LRRC31: variants seen among roughly 807,000 people sequenced by gnomAD.
LRRC31 encodes leucine rich repeat containing 31.
In LRRC31, 35 loss-of-function variants were observed where a neutral mutation model predicts 46.7. The ratio of observed to expected loss-of-function variants is 0.75; its 90% CI spans 0.57 to 0.99. LRRC31 has a LOEUF of 0.99. Ranked by LOEUF, LRRC31 falls within the 50% of genes least tolerant of loss-of-function variation. The probability of loss-of-function intolerance (pLI) is 0.00; values close to 1 mark genes in which losing one functional copy is unlikely to be tolerated. For missense variants in LRRC31, 613 were observed against 626.1 expected, an observed-to-expected ratio of 0.98 and a Z score of 0.22; for synonymous variants, 236 against 235.1, an observed-to-expected ratio of 1.00 and a Z score of -0.03.
intron 1 of LRRC31, among the ~76,000 whole-genome samples, chr3:169,865,511 G>T (rs1293182229): frequency 1.3e-5 from 2 of 152,134 alleles, no homozygotes; most frequent in Admixed American, 1.3e-4. Flanking sequence ...ATCTGTCAAG[G>T]TTTGTCAACC....
At chr3:169,849,160 TTAATC>T (rs987945389) in intron 7 of LRRC31, among the ~76,000 whole-genome samples, 3 of 152,338 alleles carry the variant, frequency 2.0e-5, no homozygotes, top group East Asian at 1.9e-4. Context: ...TAATTGCACT[TTAATC>T]TATTCTGCCT....
Position 169,840,118 on chromosome 3 carries a change from G to A in LRRC31, c.1523C>T (p.Ala508Val), listed in dbSNP as rs567321641. Residue 508 changes from alanine to valine, a missense_variant, in exon 9 of 9, where the codon GCT becomes GTT. By Grantham distance (64) the Ala-to-Val change is moderately conservative. Coordinates refer to ENST00000316428, the MANE Select transcript of LRRC31 (RefSeq NM_024727.4). ...CGQWFRHLLYAVTKLPQITEI... is the reference protein window; with the variant it reads ...CGQWFRHLLYVVTKLPQITEI... ...AGTGATCTGAGGAAGCTTGGTCACAGCATATAACAAGTGTCTAAACCATTG... is the reference window on the plus strand; with the variant it reads ...AGTGATCTGAGGAAGCTTGGTCACAACATATAACAAGTGTCTAAACCATTG... 1 of 1,614,134 alleles carries A rather than the reference G, an allele frequency of 6.2e-7. No homozygotes were observed. Among genetic ancestry groups the A allele is most frequent in the South Asian group, 1.1e-5 (1 of 91,082 alleles).
At chr3:169,840,542 A>T (rs553126553) in intron 8 of LRRC31, among the ~76,000 whole-genome samples, 7 of 151,638 alleles carry the variant, frequency 4.6e-5, no homozygotes, top group Admixed American at 4.6e-4. Context: ...CAACCCAATA[A>T]TTTTTTTTTG....
In LRRC31 at chr3:169,855,040, C is replaced by T. The variant is rs1023644931; in HGVS notation, c.824-60G>A. On this transcript the variant is annotated intron_variant, in intron 5 of 8. Coordinates refer to ENST00000316428, the MANE Select transcript of LRRC31 (RefSeq NM_024727.4). ...GGACACAGTGGTGTACCTATAGTCC[C>T]AGCTGCTAGGGAGACCAAGGCAGGA... The T allele has an allele frequency of 4.8e-6, 7 of 1,463,634 alleles. No homozygotes were observed. The African/African-American group carries it at 5.5e-5, about 12-fold the overall frequency. 90.7% of individuals were successfully genotyped at this position (1,463,634 alleles called of 1,614,324 possible).
At position 169,869,775 on chromosome 3, in the gene LRRC31, T is replaced by C; in HGVS notation, c.33A>G (p.Glu11=). Residue 11 remains glutamate (E), a synonymous_variant, in exon 1 of 9, where the codon GAA becomes GAG. Transcript: ENST00000316428. MSQTRKKTSS[E]GETKPQTSTV... is the part of the protein sequence containing the mutation. The stretch of plus-strand genomic sequence containing the variant: ...TTGAAGTCTGGGGCTTAGTTTCTCC[T>C]TCTGAGGAAGTTTTCTTCCTTGTTT... 1 of 1,612,936 alleles carries C rather than the reference T, an allele frequency of 6.2e-7. No homozygotes were observed. Among genetic ancestry groups the C allele is most frequent in the Non-Finnish European group, 8.5e-7 (1 of 1,179,682 alleles).
chr3:169,851,178 CCAGGAGGGTG>C (rs1421597313), intron 7 of LRRC31, among the ~76,000 whole-genome samples: 1 of 152,028 alleles, frequency 6.6e-6, no homozygotes, highest in Non-Finnish European at 1.5e-5. Context: ...GCATGATCCA[CCAGGAGGGTG>C]GATCACTTGA....
intron 1 of LRRC31, among the ~76,000 whole-genome samples, chr3:169,868,320 C>T (rs1463609093): frequency 6.6e-6 from 1 of 152,056 alleles, no homozygotes; most frequent in Non-Finnish European, 1.5e-5. Flanking sequence ...ACCTAAGTGG[C>T]TCGCTTTATT....
At chr3:169,858,511 T>G (rs1338304051) in intron 3 of LRRC31, among the ~76,000 whole-genome samples, 1 of 152,048 alleles carries the variant, frequency 6.6e-6, no homozygotes, top group African/African-American at 2.4e-5. Context: ...AGAAAGGTGG[T>G]TTTAGATGAC....
intron 1 of LRRC31, among the ~76,000 whole-genome samples, chr3:169,865,557 T>G (rs1002305612): frequency 6.6e-6 from 1 of 152,194 alleles, no homozygotes; most frequent in Non-Finnish European, 1.5e-5. Context: ...TATTACACAT[T>G]GGTAACATGG....
chr3:169,846,533 A>G (rs1209679435), intron 8 of LRRC31, among the ~76,000 whole-genome samples: 1 of 152,156 alleles, frequency 6.6e-6, no homozygotes, highest in African/African-American at 2.4e-5. Flanking sequence ...CTCTAATCCC[A>G]GCTACTCAGG....
At chr3:169,851,230 C>T (rs900837870) in intron 7 of LRRC31, among the ~76,000 whole-genome samples, 5 of 151,974 alleles carry the variant, frequency 3.3e-5, no homozygotes, top group South Asian at 2.1e-4. Context: ...CTGGACAACA[C>T]GGTGAAACCC....
At chr3:169,846,302 C>T (rs1780601905) in intron 8 of LRRC31, among the ~76,000 whole-genome samples, 1 of 152,184 alleles carries the variant, frequency 6.6e-6, no homozygotes, top group South Asian at 2.1e-4. Flanking sequence ...AATTTGTCCA[C>T]AGGAAACACT....
rs59099192 is a variant in LRRC31 at position 169,844,930 on chromosome 3, CAA to C, written c.1327+3188_1327+3189del. On this transcript the variant is annotated intron_variant, in intron 8 of 8. Coordinates refer to ENST00000316428, the MANE Select transcript of LRRC31 (RefSeq NM_024727.4). ...CTGGTGACAGAATGAGACTCCATCT[CAA>C]AAAAAAAAAAAAAAAACAAAACAAA... 1.5e-3 allele frequency among the ~76,000 whole-genome samples: 146 copies of C among 99,558 alleles called. 1 individual carries two copies. Among genetic ancestry groups the C allele is most frequent in the South Asian group, 0.012 (37 of 3,180 alleles). 65.3% of individuals were successfully genotyped at this position (99,558 alleles called of 152,430 possible).
rs767725091 is a variant in LRRC31, at chr3:169,869,852, G to T, written c.-45C>A. On this transcript the variant is annotated 5_prime_UTR_variant, in exon 1 of 9. Coordinates refer to ENST00000316428, the MANE Select transcript of LRRC31 (RefSeq NM_024727.4). Reference sequence around the variant, plus strand: ...GTTCCCAATAAGACATCTTCCTGTTGCTTTCTGTTTTCTAGGATTTCTAAG... The same window carrying T: ...GTTCCCAATAAGACATCTTCCTGTTTCTTTCTGTTTTCTAGGATTTCTAAG... 6.0e-6 allele frequency: 9 copies of T among 1,497,514 alleles called. No homozygotes were observed. The highest frequency in any genetic ancestry group is 8.1e-6 in the Non-Finnish European group (9 of 1,112,498). 92.8% of individuals were successfully genotyped at this position (1,497,514 alleles called of 1,614,324 possible). A position where few individuals can be genotyped will look rare whatever the true frequency, so the allele number is the denominator to read the frequency against.
intron 7 of LRRC31, 118 bp from the exon 8 acceptor site, chr3:169,848,405 G>A (rs1780666877): frequency 1.2e-6 from 1 of 844,950 alleles, no homozygotes; most frequent in African/African-American, 1.7e-5. Flanking sequence ...TGAGAAAGTT[G>A]TAGAGACCAT....
At chr3:169,866,002 G>A (rs6444875) in intron 1 of LRRC31, among the ~76,000 whole-genome samples, 44,891 of 151,982 alleles carry the variant, frequency 0.3, 10,340 homozygotes, top group African/African-American at 0.65. Context: ...GCGCTGTGGT[G>A]GGAGGTGGGA....
chr3:169,854,829 A>C lies in LRRC31; in HGVS notation c.975T>G (p.Asp325Glu), dbSNP rs1043212492. 6.2e-7 allele frequency: 1 copy of C among 1,613,152 alleles called. No individual in the cohort carries two copies. The highest frequency in any genetic ancestry group is 1.1e-5 in the South Asian group (1 of 91,030). The change falls in exon 6 of 9, where the codon GAT becomes GAG. Residue 325 changes from aspartate (D) to glutamate (E), a missense_variant. Asp to Glu is a conservative substitution (Grantham distance 45, BLOSUM62 2). Coordinates refer to ENST00000316428, the MANE Select transcript of LRRC31 (RefSeq NM_024727.4). ...LDLHQCSLTA[D>E]DVMSLTQVIP... The stretch of plus-strand genomic sequence containing the variant: ...TATACTTACTCAGTGACATCACGTC[A>C]TCTGCTGTTAGTGAGCACTGGTGAA...
intron 1 of LRRC31, among the ~76,000 whole-genome samples, chr3:169,867,246 C>CTTTTTT (rs757102934): frequency 3.8e-5 from 3 of 78,776 alleles, no homozygotes; most frequent in Admixed American, 1.4e-4. Flanking sequence ...GAGATGGAGT[C>CTTTTTT]TTTTTTTTTT....
intron 1 of LRRC31, among the ~76,000 whole-genome samples, chr3:169,867,294 G>T (rs1781363321): frequency 1.5e-5 from 2 of 130,642 alleles, no homozygotes; most frequent in African/African-American, 3.0e-5. Context: ...CTGTCGCCCA[G>T]ACTGGAGTGC....
Sources: allele counts gnomAD v4.1 joint callset (sites outside exome capture counted in the v4.1 genomes callset), GRCh38; gene constraint gnomAD v4.1.1; transcripts MANE v1.5; gene names NCBI Gene and HGNC (gene_info 2026-07-23, HGNC 2026-07-21).